ESR1: variants seen among roughly 807,000 people sequenced by gnomAD.
ESR1 encodes estrogen receptor 1.
In ESR1, 12 loss-of-function variants were observed where a neutral mutation model predicts 52.7. The observed-to-expected ratio is 0.23, with a 90% CI of 0.15 to 0.37. ESR1 has a LOEUF of 0.37. ESR1 is among the 10% of genes least tolerant of loss of function. The probability of loss-of-function intolerance (pLI) is 1.00; values close to 1 mark genes in which losing one functional copy is unlikely to be tolerated. For synonymous variants in ESR1, 305 were observed against 316.8 expected (o/e 0.96, Z 0.39); for missense variants, 584 against 779.7 (o/e 0.75, Z 2.99).
chr6:151,719,506 G>A (rs1330096862), intron 2 of ESR1, among the ~76,000 whole-genome samples: 1 of 152,176 alleles, frequency 6.6e-6, no homozygotes, highest in Non-Finnish European at 1.5e-5. Context: ...ATTTCTGCGA[G>A]ACTGGAGAAT....
intron 4 of ESR1, among the ~76,000 whole-genome samples, chr6:151,970,469 A>G (rs1318235796): frequency 6.6e-6 from 1 of 152,190 alleles, no homozygotes; most frequent in Non-Finnish European, 1.5e-5. Context: ...CTAGAAGGTA[A>G]GCTTGGTGAT....
intron 2 of ESR1, among the ~76,000 whole-genome samples, chr6:151,726,616 G>T (rs1023609197): frequency 6.6e-6 from 1 of 152,172 alleles, no homozygotes; most frequent in Non-Finnish European, 1.5e-5. Context: ...GATTACAGGC[G>T]CAAGCCACAG....
intron 2 of ESR1, among the ~76,000 whole-genome samples, chr6:151,719,647 A>C (rs1781315075): frequency 6.6e-6 from 1 of 152,148 alleles, no homozygotes; most frequent in Non-Finnish European, 1.5e-5. Flanking sequence ...TGTAACTGAA[A>C]ACTTTCTCAG....
chr6:151,947,796 TC>T (rs1218150643), intron 4 of ESR1, among the ~76,000 whole-genome samples: 2 of 152,150 alleles, frequency 1.3e-5, no homozygotes, highest in Non-Finnish European at 2.9e-5. Context: ...TGATTTTTTT[TC>T]TCTTTGCAGT....
At chr6:151,786,212 G>T (rs1161833189) in intron 2 of ESR1, among the ~76,000 whole-genome samples, 1 of 152,162 alleles carries the variant, frequency 6.6e-6, no homozygotes. Context: ...AGAAGAGATG[G>T]TAGTGGGATT....
chr6:151,705,110 C>T (rs906642278), intron 2 of ESR1, among the ~76,000 whole-genome samples: 1 of 152,010 alleles, frequency 6.6e-6, no homozygotes, highest in South Asian at 2.1e-4. Context: ...GGACTCTGAT[C>T]ATCATAAGAG....
At chr6:151,865,050 C>T (rs529491198) in intron 2 of ESR1, among the ~76,000 whole-genome samples, 1 of 152,106 alleles carries the variant, frequency 6.6e-6, no homozygotes, top group African/African-American at 2.4e-5. Flanking sequence ...AACAAACCTG[C>T]ACATTGTGCA....
chr6:151,681,405 C>A (rs561863172), intron 1 of ESR1, among the ~76,000 whole-genome samples: 1 of 149,670 alleles, frequency 6.7e-6, no homozygotes, highest in Non-Finnish European at 1.5e-5. Flanking sequence ...CAGGAGGGGA[C>A]GGCGGTGCTG....
downstream of ESR1, among the ~76,000 whole-genome samples, chr6:152,105,849 G>A (rs1262854422): frequency 1.3e-4 from 17 of 132,912 alleles, no homozygotes; most frequent in Middle Eastern, 4.8e-3. Flanking sequence ...CTGCAGTGGC[G>A]CAATCTCGGC....
chr6:152,094,407 C>A lies in ESR1; in HGVS notation c.1392C>A (p.Ser464Arg). The A allele has an allele frequency of 6.2e-7, 1 of 1,614,108 alleles. No individual in the cohort carries two copies. Among genetic ancestry groups the A allele is most frequent in the Non-Finnish European group, 8.5e-7 (1 of 1,179,958 alleles). Residue 464 changes from serine to arginine, a missense_variant, in exon 7 of 8, where the codon AGC (serine) becomes AGA (arginine). By Grantham distance (110) the Ser-to-Arg change is moderately radical. Transcript: ENST00000206249. This position sits in a 1 kb window ranked among gnomAD's most constrained non-coding sequence, Gnocchi z 4.6. ...LNSGVYTFLS[S>R]TLKSLEEKDH... ...CAGGAGTGTACACATTTCTGTCCAG[C>A]ACCCTGAAGTCTCTGGAAGAGAAGG... is the stretch of plus-strand genomic sequence containing the variant.
chr6:151,871,238 T>A (rs767256082), intron 2 of ESR1, among the ~76,000 whole-genome samples: 10 of 151,758 alleles, frequency 6.6e-5, no homozygotes, highest in Non-Finnish European at 1.5e-4. Context: ...AATTTAAAAA[T>A]ATATATATTA....
chr6:151,769,267 G>A (rs927698828), intron 2 of ESR1, among the ~76,000 whole-genome samples: 1 of 152,140 alleles, frequency 6.6e-6, no homozygotes, highest in Non-Finnish European at 1.5e-5. Context: ...ATTAACAAAG[G>A]CTTATAATAT....
At chr6:151,977,441 CAAAAAA>C (rs200819406) in intron 4 of ESR1, among the ~76,000 whole-genome samples, 2 of 130,502 alleles carry the variant, frequency 1.5e-5, no homozygotes, top group Non-Finnish European at 3.2e-5. Context: ...CTGTGTAGTG[CAAAAAA>C]AAAAAAAAAA....
intron 2 of ESR1, among the ~76,000 whole-genome samples, chr6:151,792,703 T>C (rs1776289097): frequency 6.6e-6 from 1 of 152,198 alleles, no homozygotes; most frequent in Admixed American, 6.5e-5. Context: ...CCTCCCAGCA[T>C]GCTGGGATTA....
intron 4 of ESR1, among the ~76,000 whole-genome samples, chr6:151,950,692 A>G (rs74325817): frequency 0.16 from 23,590 of 151,964 alleles, 2,048 homozygotes; most frequent in Admixed American, 0.22. Context: ...GAGAAATGCC[A>G]AGGTTTACTG....
chr6:151,842,150 C>T (rs1043981874), intron 1 of ESR1, among the ~76,000 whole-genome samples: 2 of 152,150 alleles, frequency 1.3e-5, no homozygotes, highest in African/African-American at 4.8e-5. Flanking sequence ...ATTTTTTTGA[C>T]ACATGTTCTG....
At chr6:151,948,489 GAAGAGGAA>G (rs1319314481) in intron 4 of ESR1, among the ~76,000 whole-genome samples, 2 of 152,120 alleles carry the variant, frequency 1.3e-5, no homozygotes, top group Admixed American at 6.5e-5. Flanking sequence ...GTTGGCCCAG[GAAGAGGAA>G]AAGAGGAAAA....
intron 3 of ESR1, among the ~76,000 whole-genome samples, chr6:151,881,401 T>A (rs1296789021): frequency 2.6e-5 from 4 of 152,186 alleles, no homozygotes; most frequent in African/African-American, 9.7e-5. Flanking sequence ...GTGGTCTTTG[T>A]GGCTGTGTGT....
intron 2 of ESR1, 77 bp from the exon 3 acceptor site, chr6:151,880,578 C>G: frequency 1.1e-6 from 1 of 898,146 alleles, no homozygotes. Context: ...AAAACAGCCT[C>G]CAAAAGGTTT....
Sources: gnomAD v4.1 joint callset for allele counts (sites outside exome capture counted in the v4.1 genomes callset) on GRCh38, gnomAD v4.1.1 for gene constraint, Gnocchi (gnomAD v3.1) non-coding constraint, MANE v1.5 for transcripts, NCBI Gene and HGNC (gene_info 2026-07-23, HGNC 2026-07-21) for gene names.